The following FAN1 variants were observed in gnomAD, a reference collection of about 807,000 sequenced individuals.
FAN1 encodes the protein FANCD2 and FANCI associated nuclease 1.
Under a neutral mutation model 104.9 loss-of-function variants are expected in FAN1, and 91 were observed. The ratio of observed to expected loss-of-function variants is 0.87; its 90% CI spans 0.73 to 1.03. The LOEUF (loss-of-function observed/expected upper bound fraction) is 1.03, where lower values mean the gene tolerates loss of function less well. FAN1 is among the 50% of genes least tolerant of loss of function. The pLI, the probability that FAN1 is intolerant of heterozygous loss-of-function variation, is 0.00. For missense variants in FAN1, 1,263 were observed against 1,239.9 expected (o/e 1.02, Z -0.28); for synonymous variants, 478 against 457.6 (o/e 1.04, Z -0.57).
chr15:30,910,956 G>A, intron 4 of FAN1, 141 bp downstream of exon 4: 1 of 1,369,820 alleles, frequency 7.3e-7, no homozygotes, highest in East Asian at 2.7e-5. Context: ...AGCCTTAATT[G>A]CAATAGCCTG....
chr15:30,927,093 C>T, intron 10 of FAN1: 1 of 946,158 alleles, frequency 1.1e-6, no homozygotes, highest in Non-Finnish European at 1.3e-6. Flanking sequence ...AGGAGGATCA[C>T]TTGAACTCTG....
chr15:30,934,466 T>C (rs948239264), intron 13 of FAN1, among the ~76,000 whole-genome samples: 1 of 152,232 alleles, frequency 6.6e-6, no homozygotes, highest in African/African-American at 2.4e-5. Context: ...TTTCTCTTTG[T>C]CTCAGAACTC....
In FAN1 at chr15:30,908,103, T is replaced by A; in HGVS notation, c.1235-15T>A. The stretch of plus-strand genomic sequence containing the variant: ...AATGCAGTGATTTTCAACATTTTTC[T>A]TAACTTTATTGCAGCTACTGGTCAG... On this transcript the variant is annotated splice_polypyrimidine_tract_variant and intron_variant, in intron 2 of 14. Transcript: ENST00000362065. 1 of 1,583,314 alleles carries A rather than the reference T, an allele frequency of 6.3e-7. No homozygotes were observed. Among genetic ancestry groups the A allele is most frequent in the Admixed American group, 1.9e-5 (1 of 52,984 alleles).
intron 12 of FAN1, 74 bp downstream of exon 12, chr15:30,929,471 T>A: frequency 8.6e-7 from 1 of 1,162,096 alleles, no homozygotes; most frequent in Non-Finnish European, 1.2e-6. Context: ...TCAGCAACTT[T>A]ATCAAAATAC....
intron 14 of FAN1, 56 bp downstream of exon 14, chr15:30,937,315 A>G (rs975034244): frequency 1.5e-5 from 23 of 1,512,008 alleles, no homozygotes; most frequent in Admixed American, 2.1e-5. Context: ...AAGAGTATAA[A>G]ACATGTTTTA....
chr15:30,919,433 G>A (rs2062268431), intron 6 of FAN1, among the ~76,000 whole-genome samples: 1 of 150,362 alleles, frequency 6.7e-6, no homozygotes, highest in Admixed American at 6.7e-5. Flanking sequence ...GCTCATGCCT[G>A]TAATCCCAGC....
At chr15:30,921,715 G>A (rs1486001238) in intron 7 of FAN1, among the ~76,000 whole-genome samples, 1 of 152,146 alleles carries the variant, frequency 6.6e-6, no homozygotes, top group Non-Finnish European at 1.5e-5. Context: ...AGACATCCAT[G>A]AGCCACAGAA....
At chr15:30,913,802 C>T (rs1305506854) in intron 4 of FAN1, 56 bp from the exon 5 acceptor site, 1 of 1,118,318 alleles carries the variant, frequency 8.9e-7, no homozygotes, top group Non-Finnish European at 1.3e-6. Flanking sequence ...TTTGTAAAAT[C>T]TGACATCCAA....
rs529969486 is a variant in FAN1, at chr15:30,927,769, G to A, written c.2489-784G>A. The A allele has an allele frequency of 6.4e-5, 63 of 985,852 alleles. No homozygotes were observed. The African/African-American group carries it at 8.5e-4, about 13-fold the overall frequency. The allele number at this position is 985,852 out of a possible 1,614,324, so 61.1% of individuals were successfully genotyped here. On this transcript the variant is annotated intron_variant, in intron 10 of 14. Coordinates refer to ENST00000362065, the MANE Select transcript of FAN1 (RefSeq NM_014967.5). The stretch of plus-strand genomic sequence containing the variant: ...GGAGGGCTGATGTGCAGAGAAGTAC[G>A]GACTTGGAGGGCAGCTGGATGAGCT...
chr15:30,941,652 A>G lies in FAN1; in HGVS notation c.*90A>G, dbSNP rs199583047. On this transcript the variant is annotated 3_prime_UTR_variant, in exon 15 of 15. Transcript: ENST00000362065. ...GTGTGGTGAGGGCCGCTGGCGTTGA[A>G]GTACATCCTGCTCTGGCCCAGCTCC... is the stretch of plus-strand genomic sequence containing the variant. The G allele has an allele frequency of 1.9e-6, 3 of 1,612,246 alleles. No homozygotes were observed. The highest frequency in any genetic ancestry group is 1.3e-5 in the African/African-American group (1 of 75,018).
intron 2 of FAN1, among the ~76,000 whole-genome samples, chr15:30,907,617 A>G (rs1283833973): frequency 6.6e-6 from 1 of 152,222 alleles, no homozygotes. Flanking sequence ...TAAAGAAGAA[A>G]GGAAAATAAA....
At position 30,905,651 on chromosome 15, in the gene FAN1, GCTTCTGCATGGAGTA is replaced by G; in HGVS notation, c.989_1003del (p.Ala330_Asn335delinsAsp). 1 of 1,613,906 alleles carries G rather than the reference GCTTCTGCATGGAGTA, an allele frequency of 6.2e-7. No homozygotes were observed. Among genetic ancestry groups the G allele is most frequent in the Non-Finnish European group, 8.5e-7 (1 of 1,179,770 alleles). On this transcript the variant is annotated inframe_deletion, in exon 2 of 15. Coordinates refer to ENST00000362065, the MANE Select transcript of FAN1 (RefSeq NM_014967.5). ...AAAATCTCATAGTTCTGCAGATGAT[GCTTCTGCATGGAGTA>G]ACATCCAAGAGGCTCCTCTGCAGGA...
chr15:30,921,060 G>C (rs949596983), intron 7 of FAN1, among the ~76,000 whole-genome samples: 1 of 152,136 alleles, frequency 6.6e-6, no homozygotes, highest in Non-Finnish European at 1.5e-5. Context: ...TGACAGTGGG[G>C]GCCTAAAGTG....
intron 8 of FAN1, among the ~76,000 whole-genome samples, chr15:30,924,384 GTTGAGCTTT>G (rs1317845096): frequency 6.6e-6 from 1 of 152,204 alleles, no homozygotes. Flanking sequence ...GTGATTCTGT[GTTGAGCTTT>G]TTGAGGAGTG....
chr15:30,941,495 G>C, intron 14 of FAN1, 71 bp from the exon 15 acceptor site: 1 of 1,611,244 alleles, frequency 6.2e-7, no homozygotes, highest in Non-Finnish European at 8.5e-7. Flanking sequence ...TAATGTCTCA[G>C]TAGACAACCA....
chr15:30,941,244 A>T (rs2063039126), intron 14 of FAN1: 1 of 1,445,116 alleles, frequency 6.9e-7, no homozygotes, highest in Admixed American at 2.1e-5. Flanking sequence ...CACGGTTACA[A>T]GAGCCAGACC....
At chr15:30,929,179 C>CA (rs1361702819) in intron 11 of FAN1, 24 bp from the exon 12 acceptor site, 2 of 1,605,936 alleles carry the variant, frequency 1.2e-6, no homozygotes, top group South Asian at 2.2e-5. Flanking sequence ...CACAGTATGA[C>CA]AGCTTGCTTT....
chr15:30,913,960 TGAA>T lies in FAN1; in HGVS notation c.1683_1685del (p.Glu561del). 6.2e-7 allele frequency: 1 copy of T among 1,614,210 alleles called. No individual in the cohort carries two copies. The highest frequency in any genetic ancestry group is 8.5e-7 in the Non-Finnish European group (1 of 1,180,028). On this transcript the variant is annotated inframe_deletion, in exon 5 of 15. Coordinates refer to ENST00000362065, the MANE Select transcript of FAN1 (RefSeq NM_014967.5). Reference sequence around the variant, plus strand: ...TTTCGTTGACCGACTCAATGGAAGATGAAGACGCCGCTTGTGGAGGTCAGGGAC... The same window carrying T: ...TTTCGTTGACCGACTCAATGGAAGATGACGCCGCTTGTGGAGGTCAGGGAC...
At chr15:30,908,279 T>C (rs2062026942) in intron 3 of FAN1, 21 bp downstream of exon 3, 1 of 1,552,228 alleles carries the variant, frequency 6.4e-7, no homozygotes, top group Non-Finnish European at 8.7e-7. Context: ...TAGAAGGAGA[T>C]GTGAAATGAA....
Sources: gnomAD v4.1 joint callset for allele counts (sites outside exome capture counted in the v4.1 genomes callset) on GRCh38, gnomAD v4.1.1 for gene constraint, MANE v1.5 for transcripts, NCBI Gene and HGNC (gene_info 2026-07-23, HGNC 2026-07-21) for gene names.